Variants in STPG2 observed in about 807,000 individuals in gnomAD.
The protein encoded by STPG2 is sperm-tail PG-rich repeat-containing protein 2.
In STPG2, 56 loss-of-function variants were observed where a neutral mutation model predicts 54.2. The observed-to-expected ratio is 1.03, with a 90% CI of 0.83 to 1.29. The LOEUF (loss-of-function observed/expected upper bound fraction) is 1.29, where lower values mean the gene tolerates loss of function less well. Ranked by LOEUF, STPG2 falls within the 50% of genes most tolerant of loss-of-function variation. STPG2 has a pLI of 0.00. For synonymous variants in STPG2, 200 were observed against 181.8 expected, an observed-to-expected ratio of 1.10 and a Z score of -0.81; for missense variants, 596 against 544.9, an observed-to-expected ratio of 1.09 and a Z score of -0.93.
At chr4:97,977,222 C>T (rs1292357695) in intron 6 of STPG2, among the ~76,000 whole-genome samples, 1 of 152,128 alleles carries the variant, frequency 6.6e-6, no homozygotes, top group Non-Finnish European at 1.5e-5. Context: ...ATCACATTGT[C>T]TAAGATGGAA....
intron 10 of STPG2, among the ~76,000 whole-genome samples, chr4:97,655,329 C>T (rs1353538414): frequency 1.3e-5 from 2 of 151,906 alleles, no homozygotes; most frequent in Admixed American, 1.3e-4. Context: ...ATTAGAGGTG[C>T]AGAAATGGTG....
chr4:97,481,939 T>TC (rs1425366115), intron 4 of STPG2, among the ~76,000 whole-genome samples: 11 of 151,650 alleles, frequency 7.3e-5, no homozygotes, highest in Non-Finnish European at 1.3e-4. Flanking sequence ...GCAAAAACAC[T>TC]CAGTCTTTCA....
At chr4:97,714,460 C>A (rs1724227613) in intron 9 of STPG2, among the ~76,000 whole-genome samples, 1 of 152,082 alleles carries the variant, frequency 6.6e-6, no homozygotes, top group East Asian at 1.9e-4. Flanking sequence ...GACATCCAGG[C>A]TCTAGCCCAG....
At chr4:97,765,745 G>C (rs1217147550) in intron 9 of STPG2, among the ~76,000 whole-genome samples, 1 of 152,168 alleles carries the variant, frequency 6.6e-6, no homozygotes, top group African/African-American at 2.4e-5. Context: ...CTAATTCAGA[G>C]TCAGACAACC....
chr4:97,981,398 G>T, intron 5 of STPG2, 80 bp from the exon 6 acceptor site: 2 of 1,382,824 alleles, frequency 1.4e-6, no homozygotes, highest in Non-Finnish European at 2.0e-6. Flanking sequence ...TGCCTTTTGA[G>T]TAATATAACA....
chr4:97,453,649 C>T (rs1729436108), intron 4 of STPG2, among the ~76,000 whole-genome samples: 2 of 152,130 alleles, frequency 1.3e-5, no homozygotes, highest in African/African-American at 4.8e-5. Flanking sequence ...CTCCTGTTTC[C>T]CATCCCCAAA....
chr4:98,096,108 A>C (rs1039197534), intron 5 of STPG2, among the ~76,000 whole-genome samples: 2 of 152,184 alleles, frequency 1.3e-5, no homozygotes, highest in Non-Finnish European at 2.9e-5. Context: ...AAATATCTTG[A>C]AATGGGCTGA....
At chr4:98,077,132 T>C (rs756555431) in intron 5 of STPG2, among the ~76,000 whole-genome samples, 3 of 152,224 alleles carry the variant, frequency 2.0e-5, no homozygotes, top group Non-Finnish European at 4.4e-5. Context: ...ACTTGTGTAT[T>C]TTTGTATTTT....
intron 5 of STPG2, among the ~76,000 whole-genome samples, chr4:98,075,005 G>A (rs1420807698): frequency 6.6e-6 from 1 of 152,172 alleles, no homozygotes; most frequent in Non-Finnish European, 1.5e-5. Flanking sequence ...TCTGTCTTGA[G>A]GTTAAATAGG....
chr4:97,562,026 T>C (rs1056207037), intron 10 of STPG2, among the ~76,000 whole-genome samples: 2 of 152,190 alleles, frequency 1.3e-5, no homozygotes, highest in Non-Finnish European at 2.9e-5. Context: ...ATAAATTACA[T>C]TGGGCAGCAT....
chr4:97,808,348 G>GT (rs1366921805), intron 9 of STPG2, among the ~76,000 whole-genome samples: 1 of 151,888 alleles, frequency 6.6e-6, no homozygotes, highest in African/African-American at 2.4e-5. Context: ...AAATTAAAAT[G>GT]TTATAGTGTT....
At chr4:98,033,308 A>G (rs2149301591) in intron 5 of STPG2, among the ~76,000 whole-genome samples, 1 of 152,338 alleles carries the variant, frequency 6.6e-6, no homozygotes, top group South Asian at 2.1e-4. Flanking sequence ...AACTAACATC[A>G]GATAATACTA....
At position 98,090,495 on chromosome 4, in the gene STPG2, T is replaced by G. The variant is rs186505896; in HGVS notation, c.612+15458A>C. Among the ~76,000 whole-genome samples, 6 of 152,146 alleles carry G rather than the reference T, an allele frequency of 3.9e-5. No individual in the cohort carries two copies. The East Asian group carries it at 1.2e-3, about 29-fold the overall frequency. ...AATTTGAAGTCTGGTAATGCGATAC[T>G]TCCAGATTTGTTCTTTTTGCTTAGT... On this transcript the variant is annotated intron_variant, in intron 5 of 10. Coordinates refer to ENST00000295268, the MANE Select transcript of STPG2 (RefSeq NM_174952.3).
intron 3 of STPG2, among the ~76,000 whole-genome samples, chr4:98,117,537 G>A (rs999442238): frequency 6.6e-6 from 1 of 151,708 alleles, no homozygotes; most frequent in Non-Finnish European, 1.5e-5. Context: ...CTCCGCTTCT[G>A]GGATTCCCAT....
At chr4:97,681,050 TTTTAAGC>T (rs1723017574) in intron 10 of STPG2, among the ~76,000 whole-genome samples, 1 of 151,990 alleles carries the variant, frequency 6.6e-6, no homozygotes, top group South Asian at 2.1e-4. Context: ...TATTACTTAT[TTTTAAGC>T]TGTTGGCATC....
intron 7 of STPG2, among the ~76,000 whole-genome samples, chr4:97,954,101 A>G (rs1289927693): frequency 1.3e-5 from 2 of 152,236 alleles, no homozygotes; most frequent in Non-Finnish European, 2.9e-5. Flanking sequence ...GAATGAAATT[A>G]CCAAGAAATT....
At chr4:97,484,838 A>G (rs28829087) in intron 4 of STPG2, among the ~76,000 whole-genome samples, 11,074 of 151,856 alleles carry the variant, frequency 0.073, 604 homozygotes, top group Admixed American at 0.15. Context: ...AAATCCAACA[A>G]CACTTCAAAA....
chr4:97,457,689 A>G (rs1320699319), intron 4 of STPG2, among the ~76,000 whole-genome samples: 1 of 152,244 alleles, frequency 6.6e-6, no homozygotes, highest in East Asian at 1.9e-4. Flanking sequence ...AACAGTTTGC[A>G]ACAAAAAATA....
In STPG2 at chr4:98,143,135, G is replaced by A. The variant is rs749430309; in HGVS notation, c.16C>T (p.Pro6Ser). Residue 6 changes from proline to serine, a missense_variant, in exon 1 of 11, where the codon CCC becomes TCC. Physicochemically the swap from Pro to Ser is moderately conservative, Grantham distance 74. Coordinates refer to ENST00000295268, the MANE Select transcript of STPG2 (RefSeq NM_174952.3). Reference protein sequence around the residue: MYDRAPRLLKLAEGGS... With the variant: MYDRASRLLKLAEGGS... The stretch of plus-strand genomic sequence containing the variant: ...CCTTCAGCCAATTTGAGCAGGCGGG[G>A]AGCCCGATCATACATAGTGCTCGGG... 21 of 1,613,540 alleles carry A rather than the reference G, an allele frequency of 1.3e-5. No homozygotes were observed. The highest frequency in any genetic ancestry group is 1.8e-5 in the Non-Finnish European group (21 of 1,179,792).
Sources: gnomAD v4.1 joint callset for allele counts (sites outside exome capture counted in the v4.1 genomes callset) on GRCh38, gnomAD v4.1.1 for gene constraint, MANE v1.5 for transcripts, NCBI Gene and HGNC (gene_info 2026-07-23, HGNC 2026-07-21) for gene names.